The following BIRC6 variants were observed in gnomAD, a reference collection of about 807,000 sequenced individuals.
BIRC6 encodes the protein baculoviral IAP repeat containing 6, also known as dual E2 ubiquitin-conjugating enzyme/E3 ubiquitin-protein ligase BIRC6.
A neutral mutation model predicts 503.3 loss-of-function variants in BIRC6; 98 were observed. That is an observed-to-expected ratio of 0.19 (90% CI 0.17 to 0.23). The LOEUF is 0.23. Ranked by LOEUF, BIRC6 falls within the 10% of genes least tolerant of loss-of-function variation. The probability of loss-of-function intolerance (pLI) is 1.00; values close to 1 mark genes in which losing one functional copy is unlikely to be tolerated. For synonymous variants in BIRC6, 2,240 were observed against 2,078.7 expected, an observed-to-expected ratio of 1.08 and a Z score of -2.11; for missense variants, 5,360 against 5,806.0, an observed-to-expected ratio of 0.92 and a Z score of 2.50.
At chr2:32,609,766 A>G (rs1442811066) in intron 72 of BIRC6, among the ~76,000 whole-genome samples, 3 of 152,000 alleles carry the variant, frequency 2.0e-5, no homozygotes, top group African/African-American at 7.3e-5. Context: ...AAAAAAAAAA[A>G]AGTAATTTGT....
intron 23 of BIRC6, among the ~76,000 whole-genome samples, chr2:32,459,526 G>A (rs904471518): frequency 5.9e-5 from 9 of 151,946 alleles, no homozygotes; most frequent in African/African-American, 1.9e-4. Flanking sequence ...TAGGTCTTTT[G>A]TATTTCTGTT....
At chr2:32,579,237 T>C (rs1322280918) in intron 66 of BIRC6, among the ~76,000 whole-genome samples, 1 of 151,612 alleles carries the variant, frequency 6.6e-6, no homozygotes, top group East Asian at 1.9e-4. Flanking sequence ...AAAGGTCAAG[T>C]GTAAAGAGGA....
intron 22 of BIRC6, among the ~76,000 whole-genome samples, chr2:32,450,044 CA>C (rs2046508995): frequency 6.6e-6 from 1 of 152,072 alleles, no homozygotes; most frequent in African/African-American, 2.4e-5. Context: ...CTGGAGATAC[CA>C]ATGCCTTCAG....
At position 32,515,221 on chromosome 2, in the gene BIRC6, A is replaced by G. The variant is rs369703270; in HGVS notation, c.10800A>G (p.Gln3600=). ...TAACAGATGACTCTAAAAATGCACA[A>G]GCACCTCTCGCATTAACTGAATCAC... ...SSLTDDSKNA[Q]APLALTESHL... is the part of the protein sequence containing the mutation. Residue 3600 remains glutamine, a synonymous_variant, in exon 55 of 74, where the codon CAA becomes CAG. Coordinates refer to ENST00000421745, the MANE Select transcript of BIRC6 (RefSeq NM_016252.4). 1.3e-5 allele frequency: 21 copies of G among 1,613,832 alleles called. No homozygotes were observed. Among genetic ancestry groups the G allele is most frequent in the Non-Finnish European group, 1.8e-5 (21 of 1,179,894 alleles).
chr2:32,518,114 C>T (rs890327474), intron 55 of BIRC6, 140 bp from the exon 56 acceptor site: 3 of 756,728 alleles, frequency 4.0e-6, no homozygotes, highest in Admixed American at 6.7e-5. Context: ...TACTAGACCC[C>T]CAGAGACATT....
At chr2:32,547,049 T>C (rs763030002) in intron 63 of BIRC6, among the ~76,000 whole-genome samples, 1 of 152,224 alleles carries the variant, frequency 6.6e-6, no homozygotes, top group African/African-American at 2.4e-5. Flanking sequence ...AATAATATTA[T>C]TTCTTCCCAG....
intron 57 of BIRC6, among the ~76,000 whole-genome samples, chr2:32,519,614 C>CA (rs1293997153): frequency 6.6e-6 from 1 of 152,132 alleles, no homozygotes; most frequent in Non-Finnish European, 1.5e-5. Context: ...CTCCCATGTT[C>CA]AAGCAATTCT....
chr2:32,595,079 A>G lies in BIRC6; in HGVS notation c.13547A>G (p.Lys4516Arg), dbSNP rs780033958. 30 of 1,602,886 alleles carry G rather than the reference A, an allele frequency of 1.9e-5. No individual in the cohort carries two copies. In the South Asian group the frequency reaches 3.1e-4, roughly 16 times the overall value. Reference sequence around the variant, plus strand: ...TCCAAGAAGGCGGCTATGAAACCCAAACCTTTGTCAGTATTAAAGTCACTT... The same window carrying G: ...TCCAAGAAGGCGGCTATGAAACCCAGACCTTTGTCAGTATTAAAGTCACTT... ...EYSKKAAMKPKPLSVLKSLEE... is the reference protein window; with the variant it reads ...EYSKKAAMKPRPLSVLKSLEE... Residue 4516 changes from lysine (K) to arginine (R), a missense_variant, in exon 68 of 74, where the codon AAA (lysine) becomes AGA (arginine). Physicochemically the swap from Lys to Arg is conservative, Grantham distance 26. This residue lies in a region of BIRC6 where 477 missense variants were observed against 574.4 expected (regional missense o/e 0.83). Transcript: ENST00000421745.
intron 57 of BIRC6, 181 bp downstream of exon 57, chr2:32,519,127 T>C (rs935879683): frequency 6.9e-6 from 4 of 580,968 alleles, no homozygotes; most frequent in Non-Finnish European, 1.1e-5. Flanking sequence ...TGTAAAATAC[T>C]TTTAGGCACC....
intron 58 of BIRC6, among the ~76,000 whole-genome samples, 194 bp from the exon 59 acceptor site, chr2:32,525,270 G>A (rs1174349248): frequency 6.6e-6 from 1 of 152,122 alleles, no homozygotes; most frequent in Non-Finnish European, 1.5e-5. Context: ...AGTTACAGAT[G>A]CAATGCCAAA....
At position 32,602,993 on chromosome 2, in the gene BIRC6, T is replaced by C. The variant is rs2062170702; in HGVS notation, c.13993-13T>C. 1 of 1,600,068 alleles carries C rather than the reference T, an allele frequency of 6.2e-7. No individual in the cohort carries two copies. The highest frequency in any genetic ancestry group is 1.3e-5 in the African/African-American group (1 of 74,184). ...CTTTTTTCAATTCTGTTTATGCTTTTTTCGTTCGTCAGGTTTGTTTAAGCA... is the reference window on the plus strand; with the variant it reads ...CTTTTTTCAATTCTGTTTATGCTTTCTTCGTTCGTCAGGTTTGTTTAAGCA... On this transcript the variant is annotated splice_polypyrimidine_tract_variant and intron_variant, in intron 70 of 73. Transcript: ENST00000421745.
intron 4 of BIRC6, among the ~76,000 whole-genome samples, chr2:32,391,794 T>C (rs1453990032): frequency 1.3e-5 from 2 of 152,232 alleles, no homozygotes; most frequent in East Asian, 1.9e-4. Flanking sequence ...TGAAAACATA[T>C]GTAATCTACC....
chr2:32,567,927 C>G (rs537982764), intron 65 of BIRC6, among the ~76,000 whole-genome samples: 1 of 152,166 alleles, frequency 6.6e-6, no homozygotes, highest in South Asian at 2.1e-4. Context: ...CAGTGAAAAC[C>G]CTTCTCTACT....
In BIRC6 at chr2:32,357,189, C is replaced by T. The variant is rs1453416549; in HGVS notation, c.28C>T (p.Pro10Ser). 6 of 1,539,932 alleles carry T rather than the reference C, an allele frequency of 3.9e-6. No homozygotes were observed. The highest frequency in any genetic ancestry group is 5.2e-6 in the Non-Finnish European group (6 of 1,150,492). ...GGTGACTGGTGGTGGTGCTGCACCT[C>T]CCGGGACTGTCACTGAGCCGCTTCC... MVTGGGAAP[P>S]GTVTEPLPSV... is the part of the protein sequence containing the mutation. The change falls in exon 1 of 74, where the codon CCC becomes TCC. Residue 10 changes from proline to serine, a missense_variant. Physicochemically the swap from Pro to Ser is moderately conservative, Grantham distance 74 (BLOSUM62 -1). This residue lies in a region of BIRC6 where 145 missense variants were observed against 106.9 expected (regional missense o/e 1.36). Transcript: ENST00000421745. The surrounding 1 kb of genome is among the most constrained non-coding windows in gnomAD (Gnocchi z 4.9).
chr2:32,585,709 T>A (rs2060979772), intron 66 of BIRC6, among the ~76,000 whole-genome samples: 1 of 152,190 alleles, frequency 6.6e-6, no homozygotes, highest in South Asian at 2.1e-4. Flanking sequence ...TTCCAGCCTC[T>A]GTGCTTTCAT....
At chr2:32,499,215 C>A (rs765531336) in intron 45 of BIRC6, among the ~76,000 whole-genome samples, 1 of 152,164 alleles carries the variant, frequency 6.6e-6, no homozygotes, top group Non-Finnish European at 1.5e-5. Flanking sequence ...AATTAGAACT[C>A]ATTTCATTAT....
At chr2:32,513,235 A>G (rs2054615986) in intron 54 of BIRC6, 81 bp downstream of exon 54, 6 of 984,454 alleles carry the variant, frequency 6.1e-6, no homozygotes, top group East Asian at 4.9e-5. Context: ...AATATTTTAC[A>G]TGTTTATTAG....
chr2:32,599,464 C>G (rs1009270700), intron 69 of BIRC6, among the ~76,000 whole-genome samples: 1 of 151,902 alleles, frequency 6.6e-6, no homozygotes, highest in African/African-American at 2.4e-5. Context: ...ACATGGGGAA[C>G]TGGTCTCTAC....
chr2:32,470,733 T>A (rs2049010985), intron 31 of BIRC6, among the ~76,000 whole-genome samples: 1 of 152,194 alleles, frequency 6.6e-6, no homozygotes, highest in Non-Finnish European at 1.5e-5. Flanking sequence ...GAATAGTATC[T>A]TATACCTTGC....
Sources: allele counts gnomAD v4.1 joint callset (sites outside exome capture counted in the v4.1 genomes callset), GRCh38; gene constraint gnomAD v4.1.1; regional missense constraint gnomAD v4.1.1; non-coding constraint Gnocchi (gnomAD v3.1); transcripts MANE v1.5; gene names NCBI Gene and HGNC (gene_info 2026-07-23, HGNC 2026-07-21).